FRMD3: variants seen among roughly 807,000 people sequenced by gnomAD.
FRMD3 encodes the protein FERM domain containing 3.
A neutral mutation model predicts 70.2 loss-of-function variants in FRMD3; 33 were observed. The ratio of observed to expected loss-of-function variants is 0.47; its 90% CI spans 0.36 to 0.63. FRMD3 has a LOEUF of 0.63. Ranked by LOEUF, FRMD3 falls within the 20% of genes least tolerant of loss-of-function variation. The pLI, the probability that FRMD3 is intolerant of heterozygous loss-of-function variation, is 0.00. For synonymous variants in FRMD3, 279 were observed against 255.9 expected (o/e 1.09, Z -0.86); for missense variants, 632 against 711.4 (o/e 0.89, Z 1.27).
intron 1 of FRMD3, among the ~76,000 whole-genome samples, chr9:83,446,777 A>G (rs538230372): frequency 1.3e-5 from 2 of 152,224 alleles, no homozygotes; most frequent in Non-Finnish European, 2.9e-5. Context: ...CTTTACACCA[A>G]TTGTTCTTCC....
the FRMD3 span, among the ~76,000 whole-genome samples, chr9:83,579,679 A>T: frequency 1.3e-5 from 2 of 152,226 alleles, no homozygotes; most frequent in Admixed American, 1.3e-4. Flanking sequence ...CTGTAAAACT[A>T]CTAGACAAAA....
chr9:83,563,703 C>T, the FRMD3 span, among the ~76,000 whole-genome samples: 1 of 152,144 alleles, frequency 6.6e-6, no homozygotes, highest in African/African-American at 2.4e-5. Context: ...GTAGGACATG[C>T]TTTTGAAATC....
Position 83,247,710 on chromosome 9 carries a change from C to CT in FRMD3, c.*207dup. 1 of 1,390,008 alleles carries CT rather than the reference C, an allele frequency of 7.2e-7. No homozygotes were observed. 86.1% of individuals were successfully genotyped at this position (1,390,008 alleles called of 1,614,324 possible). On this transcript the variant is annotated 3_prime_UTR_variant, in exon 14 of 14. Transcript: ENST00000304195. ...ATATTTTTGGTTATTTAAAGACCAT[C>CT]TTCCTAACCTGTAACTAAAATAACT...
At chr9:83,346,255 CA>C (rs56163115) in intron 4 of FRMD3, among the ~76,000 whole-genome samples, 12,968 of 61,432 alleles carry the variant, frequency 0.21, 505 homozygotes, top group East Asian at 0.49. Flanking sequence ...GACGCCATCT[CA>C]AAAAAAAAAA....
the FRMD3 span, among the ~76,000 whole-genome samples, chr9:83,569,986 A>G: frequency 6.6e-6 from 1 of 152,208 alleles, no homozygotes; most frequent in Non-Finnish European, 1.5e-5. Context: ...TGGAAACTCC[A>G]AAGTTTAAGG....
At chr9:83,374,688 A>C (rs1825087921) in intron 2 of FRMD3, among the ~76,000 whole-genome samples, 1 of 152,230 alleles carries the variant, frequency 6.6e-6, no homozygotes, top group Admixed American at 6.5e-5. Flanking sequence ...CAAATGTAAT[A>C]TACACAGTGC....
intron 3 of FRMD3, among the ~76,000 whole-genome samples, chr9:83,356,339 G>A (rs1310414148): frequency 5.7e-5 from 8 of 141,276 alleles, no homozygotes; most frequent in African/African-American, 1.9e-4. Flanking sequence ...GCAGTGGCGC[G>A]ATCTCGGCTC....
At chr9:83,489,114 A>G (rs970356740) in intron 1 of FRMD3, among the ~76,000 whole-genome samples, 14 of 152,242 alleles carry the variant, frequency 9.2e-5, no homozygotes, top group African/African-American at 3.4e-4. Flanking sequence ...TATGGATTAA[A>G]TATTTCAATG....
chr9:83,489,580 TG>T (rs1470030694), intron 1 of FRMD3, among the ~76,000 whole-genome samples: 1 of 152,180 alleles, frequency 6.6e-6, no homozygotes, highest in Admixed American at 6.5e-5. Context: ...ACCAGTCAGA[TG>T]GCTATTATTA....
At chr9:83,323,305 A>G (rs1835876705) in intron 6 of FRMD3, among the ~76,000 whole-genome samples, 1 of 152,222 alleles carries the variant, frequency 6.6e-6, no homozygotes, top group South Asian at 2.1e-4. Context: ...TGAATAGGCA[A>G]TGGAATACTA....
intron 1 of FRMD3, among the ~76,000 whole-genome samples, chr9:83,423,356 AG>A (rs1177805711): frequency 1.3e-5 from 2 of 152,104 alleles, no homozygotes; most frequent in Non-Finnish European, 2.9e-5. Flanking sequence ...ACAGAGCCAC[AG>A]TCATAGATGA....
intron 1 of FRMD3, among the ~76,000 whole-genome samples, chr9:83,451,715 G>T (rs1056655851): frequency 2.0e-5 from 3 of 152,146 alleles, no homozygotes; most frequent in African/African-American, 7.2e-5. Flanking sequence ...CACCCAAAAT[G>T]AGCTGGCCAG....
chr9:83,479,706 A>AAGAG (rs773650177), intron 1 of FRMD3, among the ~76,000 whole-genome samples: 1 of 81,604 alleles, frequency 1.2e-5, no homozygotes, highest in Non-Finnish European at 2.4e-5. Context: ...GAAAGAAAGA[A>AAGAG]AGAAAGAAAG....
chr9:83,322,307 A>G (rs574432516), intron 6 of FRMD3, among the ~76,000 whole-genome samples: 1 of 152,220 alleles, frequency 6.6e-6, no homozygotes, highest in East Asian at 1.9e-4. Flanking sequence ...GCAGTCCATC[A>G]TTAAACTCTC....
chr9:83,415,160 TACTC>T (rs1826394765), intron 1 of FRMD3, among the ~76,000 whole-genome samples: 1 of 152,056 alleles, frequency 6.6e-6, no homozygotes, highest in Non-Finnish European at 1.5e-5. Context: ...AGGGGAGAAA[TACTC>T]AGGCCTCACT....
At position 83,452,439 on chromosome 9, in the gene FRMD3, A is replaced by G. The variant is rs114416700; in HGVS notation, c.148-62731T>C. Among the ~76,000 whole-genome samples the G allele has an allele frequency of 4.0e-3, 604 of 151,720 alleles. 5 individuals carry two copies. Among genetic ancestry groups the G allele is most frequent in the African/African-American group, 0.014 (572 of 41,412 alleles). ...CTCCTGGTTTATGTTCAGTAATTAA[A>G]TTACTCATCCCCGTATGAACTAATG... On this transcript the variant is annotated intron_variant, in intron 1 of 13. Transcript: ENST00000304195.
chr9:83,458,456 G>A (rs1827882655), intron 1 of FRMD3, among the ~76,000 whole-genome samples: 1 of 152,208 alleles, frequency 6.6e-6, no homozygotes, highest in Non-Finnish European at 1.5e-5. Context: ...GTATCAATAA[G>A]GCCGATGAGG....
intron 1 of FRMD3, among the ~76,000 whole-genome samples, chr9:83,422,829 A>G (rs1826683606): frequency 6.6e-6 from 1 of 152,258 alleles, no homozygotes; most frequent in Non-Finnish European, 1.5e-5. Context: ...CAGCATGAAG[A>G]GGCGAAAAAT....
chr9:83,385,364 G>A (rs896422617), intron 2 of FRMD3, among the ~76,000 whole-genome samples: 1 of 152,030 alleles, frequency 6.6e-6, no homozygotes, highest in Non-Finnish European at 1.5e-5. Flanking sequence ...AGAAACTGAG[G>A]AGATTTTTTA....
Sources: allele counts gnomAD v4.1 joint callset (sites outside exome capture counted in the v4.1 genomes callset), GRCh38; gene constraint gnomAD v4.1.1; transcripts MANE v1.5; gene names NCBI Gene and HGNC (gene_info 2026-07-23, HGNC 2026-07-21).